Variants in TMEM232 observed in about 807,000 individuals in gnomAD.
The protein encoded by TMEM232 is transmembrane protein 232.
TMEM232 carries 80 observed loss-of-function variants against 78.8 expected under a neutral mutation model. That is an observed-to-expected ratio of 1.01 (90% CI 0.85 to 1.22). The LOEUF is 1.22. TMEM232 is among the 50% of genes most tolerant of loss of function. The probability of loss-of-function intolerance (pLI) is 0.00; values close to 1 mark genes in which losing one functional copy is unlikely to be tolerated. For synonymous variants in TMEM232, 297 were observed against 254.3 expected (o/e 1.17, Z -1.60); for missense variants, 881 against 742.2 (o/e 1.19, Z -2.17).
chr5:110,697,653 C>A (rs1400090255), intron 1 of TMEM232, among the ~76,000 whole-genome samples: 2 of 152,192 alleles, frequency 1.3e-5, no homozygotes, highest in East Asian at 3.9e-4. Flanking sequence ...TGAACAGACA[C>A]TTCTCAAAAG....
At chr5:110,657,293 G>C (rs1382522159) in intron 2 of TMEM232, among the ~76,000 whole-genome samples, 1 of 152,038 alleles carries the variant, frequency 6.6e-6, no homozygotes, top group African/African-American at 2.4e-5. Flanking sequence ...AGAGACATCT[G>C]CACATCCATG....
At position 110,446,661 on chromosome 5, in the gene TMEM232, C is replaced by G. The variant is rs140823297; in HGVS notation, c.1704-21745G>C. 6.4e-3 allele frequency among the ~76,000 whole-genome samples: 968 copies of G among 152,104 alleles called. 18 individuals are homozygous for G. Among genetic ancestry groups the G allele is most frequent in the African/African-American group, 0.022 (896 of 41,436 alleles). ...ACTAAGAATCCCTAAATGTTAATAT[C>G]CCACCACTGTTTTATTCCATAAGTT... On this transcript the variant is annotated intron_variant, in intron 12 of 13. Transcript: ENST00000455884.
intron 1 of TMEM232, among the ~76,000 whole-genome samples, chr5:110,717,735 A>G (rs1185813885): frequency 6.6e-6 from 1 of 152,066 alleles, no homozygotes; most frequent in African/African-American, 2.4e-5. Flanking sequence ...TGAGGGAGTT[A>G]TCAGGAGATG....
intron 12 of TMEM232, among the ~76,000 whole-genome samples, chr5:110,460,404 C>T (rs1485324923): frequency 1.3e-5 from 2 of 151,966 alleles, no homozygotes; most frequent in Admixed American, 1.3e-4. Context: ...TATGGATGCT[C>T]TCTATAGTAA....
At chr5:110,639,294 T>C (rs1017346538) in intron 4 of TMEM232, among the ~76,000 whole-genome samples, 4 of 152,164 alleles carry the variant, frequency 2.6e-5, no homozygotes, top group African/African-American at 9.7e-5. Context: ...GTTATTTTAG[T>C]TGTGAAGAGA....
chr5:110,607,404 A>G (rs1424891874), intron 8 of TMEM232, among the ~76,000 whole-genome samples: 1 of 151,872 alleles, frequency 6.6e-6, no homozygotes, highest in African/African-American at 2.4e-5. Flanking sequence ...ATTTAACCTT[A>G]GTGTGGCAGG....
At chr5:110,465,345 C>T (rs2149362577) in intron 12 of TMEM232, among the ~76,000 whole-genome samples, 1 of 152,262 alleles carries the variant, frequency 6.6e-6, no homozygotes, top group Middle Eastern at 3.4e-3. Context: ...CCATCAATGT[C>T]ATCTCTGATT....
rs1265729103 is a variant in TMEM232 at position 110,509,002 on chromosome 5, A to ATATATG, written c.1703+19585_1703+19586insCATATA. On this transcript the variant is annotated intron_variant, in intron 12 of 13. Transcript: ENST00000455884. The stretch of plus-strand genomic sequence containing the variant: ...AAATTATATATGTGTATATATGTAT[A>ATATATG]TATATATGTATATATATACAATTAT... Among the ~76,000 whole-genome samples, 598 of 130,120 alleles carry ATATATG rather than the reference A, an allele frequency of 4.6e-3. 2 individuals carry two copies. The highest frequency in any genetic ancestry group is 6.6e-3 in the Admixed American group (90 of 13,654). 85.4% of individuals were successfully genotyped at this position (130,120 alleles called of 152,430 possible). A position where few individuals can be genotyped will look rare whatever the true frequency, so the allele number is the denominator to read the frequency against.
At chr5:110,615,820 A>G (rs952879249) in intron 8 of TMEM232, among the ~76,000 whole-genome samples, 1 of 152,048 alleles carries the variant, frequency 6.6e-6, no homozygotes, top group Non-Finnish European at 1.5e-5. Flanking sequence ...TAAAATCAAC[A>G]TATTAAAATC....
At chr5:110,487,911 A>G (rs1026172596) in intron 12 of TMEM232, among the ~76,000 whole-genome samples, 1 of 152,032 alleles carries the variant, frequency 6.6e-6, no homozygotes, top group African/African-American at 2.4e-5. Flanking sequence ...AATAGTGTCA[A>G]AAGGATTGCA....
intron 10 of TMEM232, among the ~76,000 whole-genome samples, chr5:110,597,394 C>T (rs1365861211): frequency 3.9e-5 from 6 of 152,178 alleles, no homozygotes; most frequent in African/African-American, 1.4e-4. Context: ...ATATTCCATG[C>T]TCATGGGTAG....
chr5:110,522,731 T>A (rs187162949), intron 12 of TMEM232, among the ~76,000 whole-genome samples: 21 of 152,308 alleles, frequency 1.4e-4, no homozygotes, highest in Admixed American at 1.4e-3. Context: ...TTTTTGTATG[T>A]TGAACCGTCC....
chr5:110,436,508 G>A (rs976209590), intron 12 of TMEM232, among the ~76,000 whole-genome samples: 2 of 151,976 alleles, frequency 1.3e-5, no homozygotes, highest in Non-Finnish European at 1.5e-5. Context: ...TGCTTGTGAA[G>A]TATCACTCAA....
intron 1 of TMEM232, among the ~76,000 whole-genome samples, chr5:110,704,661 C>T (rs1427986045): frequency 6.6e-6 from 1 of 151,926 alleles, no homozygotes; most frequent in Non-Finnish European, 1.5e-5. Context: ...CATTGAAACC[C>T]TGATGTCAAG....
upstream of TMEM232, chr5:110,738,284 T>C (rs972583891): frequency 1.6e-6 from 2 of 1,270,170 alleles, no homozygotes; most frequent in Non-Finnish European, 2.0e-6. Flanking sequence ...CTCTCAGTTA[T>C]TCAATTAGAG....
intron 7 of TMEM232, among the ~76,000 whole-genome samples, chr5:110,620,581 C>CTA (rs1783517506): frequency 1.7e-3 from 6 of 3,446 alleles, no homozygotes; most frequent in African/African-American, 3.1e-3. Context: ...TCTCATATCT[C>CTA]TCTCTCTCTC....
At chr5:110,413,764 T>A (rs998822924) in intron 2 of TMEM232, among the ~76,000 whole-genome samples, 20 of 152,232 alleles carry the variant, frequency 1.3e-4, no homozygotes, top group Admixed American at 1.3e-3. Context: ...TCCTTCTCAG[T>A]TCCATCATTT....
rs569925265 is a variant in TMEM232, at chr5:110,469,444, T to A, written c.1704-44528A>T. 1.8e-4 allele frequency among the ~76,000 whole-genome samples: 28 copies of A among 152,220 alleles called. No individual in the cohort carries two copies. The East Asian group carries it at 5.0e-3, about 27-fold the overall frequency. ...CCAGTCATGGCTGTGCCCTGCCTCC[T>A]CAGAGACCAAGCTGAAGTTACACAT... On this transcript the variant is annotated intron_variant, in intron 12 of 13. Coordinates refer to ENST00000455884, the MANE Select transcript of TMEM232 (RefSeq NM_001039763.4).
intron 8 of TMEM232, among the ~76,000 whole-genome samples, chr5:110,614,521 C>A (rs187886047): frequency 2.0e-5 from 3 of 151,916 alleles, no homozygotes; most frequent in African/African-American, 7.2e-5. Flanking sequence ...ATTAAATAGA[C>A]GTGGATGCAA....
Sources: allele counts gnomAD v4.1 joint callset (sites outside exome capture counted in the v4.1 genomes callset), GRCh38; gene constraint gnomAD v4.1.1; transcripts MANE v1.5; gene names NCBI Gene and HGNC (gene_info 2026-07-23, HGNC 2026-07-21).